Variants in VPS13C observed in about 807,000 individuals in gnomAD.
VPS13C encodes the protein vacuolar protein sorting 13 homolog C.
In VPS13C, 358 loss-of-function variants were observed where a neutral mutation model predicts 456.8. The observed-to-expected ratio is 0.78, with a 90% confidence interval of 0.72 to 0.86. VPS13C has a LOEUF of 0.86. Among genes scored for constraint, VPS13C ranks in the 40% least tolerant of loss-of-function variants. The pLI is 0.00. For missense variants in VPS13C, 4,818 were observed against 4,385.4 expected (o/e 1.10, Z -2.79); for synonymous variants, 1,578 against 1,486.7 (o/e 1.06, Z -1.41).
intron 3 of VPS13C, among the ~76,000 whole-genome samples, chr15:62,040,775 C>T (rs2048215564): frequency 6.6e-6 from 1 of 152,008 alleles, no homozygotes; most frequent in African/African-American, 2.4e-5. Flanking sequence ...GATGGGAAGA[C>T]TTTGTAGATT....
intron 23 of VPS13C, among the ~76,000 whole-genome samples, chr15:61,977,526 G>A (rs1175075234): frequency 6.6e-6 from 1 of 151,894 alleles, no homozygotes; most frequent in South Asian, 2.1e-4. Flanking sequence ...CAGAATTAGT[G>A]ACTAAGGTTG....
At chr15:61,937,203 T>C (rs949313654) in intron 47 of VPS13C, among the ~76,000 whole-genome samples, 4 of 152,236 alleles carry the variant, frequency 2.6e-5, no homozygotes, top group Admixed American at 6.5e-5. Flanking sequence ...TACGTAGCTC[T>C]TCATCTCAGT....
rs372770673 is a variant in VPS13C, at chr15:61,937,840, C to A, written c.5602-1090G>T. On this transcript the variant is annotated intron_variant, in intron 47 of 84. Coordinates refer to ENST00000644861, the MANE Select transcript of VPS13C (RefSeq NM_020821.3). ...GAACAAGAAACTAAAACAAACGAAACTGCTACTGGCTGCTAAAATCCATTA... is the reference window on the plus strand; with the variant it reads ...GAACAAGAAACTAAAACAAACGAAAATGCTACTGGCTGCTAAAATCCATTA... Among the ~76,000 whole-genome samples, 13 of 152,152 alleles carry A rather than the reference C, an allele frequency of 8.5e-5. 1 individual carries two copies. The highest frequency in any genetic ancestry group is 5.9e-4 in the Admixed American group (9 of 15,288).
chr15:62,015,193 G>C (rs1490434165), intron 9 of VPS13C, among the ~76,000 whole-genome samples: 5 of 152,112 alleles, frequency 3.3e-5, no homozygotes, highest in Admixed American at 1.3e-4. Flanking sequence ...TTAGAACACA[G>C]ATTCTATCCT....
At chr15:62,036,388 G>A (rs1354931599) in intron 3 of VPS13C, among the ~76,000 whole-genome samples, 1 of 151,916 alleles carries the variant, frequency 6.6e-6, no homozygotes, top group African/African-American at 2.4e-5. Context: ...AATATTTGGG[G>A]TCACCTAGAT....
chr15:61,963,407 G>C (rs2045276661), intron 32 of VPS13C, among the ~76,000 whole-genome samples: 1 of 151,902 alleles, frequency 6.6e-6, no homozygotes, highest in Non-Finnish European at 1.5e-5. Context: ...ACCATTATAA[G>C]ATTGCTTTTC....
chr15:61,960,536 G>T (rs2045159461), intron 35 of VPS13C, among the ~76,000 whole-genome samples: 1 of 152,116 alleles, frequency 6.6e-6, no homozygotes, highest in Admixed American at 6.5e-5. Flanking sequence ...GTTAATATAA[G>T]AGAATGAATG....
intron 16 of VPS13C, among the ~76,000 whole-genome samples, chr15:61,995,427 A>G (rs753940361): frequency 1.3e-5 from 2 of 152,182 alleles, no homozygotes; most frequent in African/African-American, 4.8e-5. Flanking sequence ...GCCCTTGAGC[A>G]TGGGCATGAC....
intron 9 of VPS13C, among the ~76,000 whole-genome samples, chr15:62,018,973 T>G (rs1299106459): frequency 6.6e-6 from 1 of 152,210 alleles, no homozygotes; most frequent in East Asian, 1.9e-4. Flanking sequence ...GAGCCTGTTA[T>G]TGATCTATTC....
intron 73 of VPS13C, among the ~76,000 whole-genome samples, chr15:61,879,773 G>T (rs1011431442): frequency 6.6e-6 from 1 of 151,984 alleles, no homozygotes. Context: ...AAGTGAAAAA[G>T]AAATGGTATA....
intron 82 of VPS13C, among the ~76,000 whole-genome samples, 197 bp downstream of exon 82, chr15:61,863,243 G>A (rs1894320669): frequency 6.6e-6 from 1 of 152,080 alleles, no homozygotes; most frequent in African/African-American, 2.4e-5. Flanking sequence ...GCATCTTTCA[G>A]ATGAGGAGGT....
chr15:61,981,311 T>A, intron 22 of VPS13C, 31 bp downstream of exon 22: 1 of 1,568,930 alleles, frequency 6.4e-7, no homozygotes, highest in South Asian at 1.2e-5. Context: ...AGGTCAAAGA[T>A]GGGCAGACAA....
At chr15:62,042,094 T>C (rs1415731659) in intron 2 of VPS13C, among the ~76,000 whole-genome samples, 5 of 152,160 alleles carry the variant, frequency 3.3e-5, no homozygotes, top group Non-Finnish European at 5.9e-5. Context: ...CTCAAATATT[T>C]AGTAAATGAA....
chr15:61,948,720 T>C (rs180764128), intron 42 of VPS13C, among the ~76,000 whole-genome samples: 3 of 151,638 alleles, frequency 2.0e-5, no homozygotes, highest in Non-Finnish European at 4.4e-5. Context: ...TTGTACCTGA[T>C]CTAACAGTAC....
At chr15:61,962,899 A>G (rs1451559028) in intron 32 of VPS13C, 47 bp from the exon 33 acceptor site, 7 of 1,320,384 alleles carry the variant, frequency 5.3e-6, no homozygotes, top group Admixed American at 2.0e-5. Context: ...CCTACCATAA[A>G]TAAGATCTTT....
intron 82 of VPS13C, among the ~76,000 whole-genome samples, chr15:61,861,157 T>C (rs892039557): frequency 6.6e-6 from 1 of 151,884 alleles, no homozygotes; most frequent in African/African-American, 2.4e-5. Context: ...GAGATGAGGT[T>C]TCACCATGTT....
In VPS13C at chr15:61,915,697, G is replaced by C; in HGVS notation, c.8381C>G (p.Pro2794Arg). The C allele has an allele frequency of 6.2e-7, 1 of 1,611,202 alleles. No homozygotes were observed. Residue 2794 changes from proline to arginine, a missense_variant, in exon 61 of 85, where the codon CCA (proline) becomes CGA (arginine). Around this residue, in one of 3 missense-constraint regions of VPS13C, gnomAD observed 4,552 missense variants for 4,130.6 expected, o/e 1.10. Coordinates refer to ENST00000644861, the MANE Select transcript of VPS13C (RefSeq NM_020821.3). ...TAAAATAATATCCCTGAAATCAGCT[G>C]GATGTTTCACATGAATATCTTCTGA... is the stretch of plus-strand genomic sequence containing the variant. ...YRSEDIHVKHPADFRDIILFS... is the reference protein window; with the variant it reads ...YRSEDIHVKHRADFRDIILFS...
Position 61,940,646 on chromosome 15 carries a change from C to T in VPS13C, c.5601+1G>A, listed in dbSNP as rs780920006. 1 of 1,612,132 alleles carries T rather than the reference C, an allele frequency of 6.2e-7. No individual in the cohort carries two copies. Among genetic ancestry groups the T allele is most frequent in the Admixed American group, 1.7e-5 (1 of 59,888 alleles). On this transcript the variant is annotated splice_donor_variant, in intron 47 of 84. Transcript: ENST00000644861. LOFTEE classifies it high-confidence loss of function. ...TCATATATTATATACTAGCTACTTA[C>T]CTGCATAGGTTTTAGTTTTCCTTTT...
chr15:62,058,976 A>C (rs1281337807), intron 1 of VPS13C, among the ~76,000 whole-genome samples: 1 of 152,066 alleles, frequency 6.6e-6, no homozygotes, highest in African/African-American at 2.4e-5. Context: ...TCCGTAATTC[A>C]GGGTATAAAC....
Sources: gnomAD v4.1 joint callset for allele counts (sites outside exome capture counted in the v4.1 genomes callset) on GRCh38, gnomAD v4.1.1 for gene constraint, gnomAD v4.1.1 regional missense constraint, MANE v1.5 for transcripts, NCBI Gene and HGNC (gene_info 2026-07-23, HGNC 2026-07-21) for gene names.